Variants in SGCZ observed in about 807,000 individuals in gnomAD.
SGCZ encodes zeta-sarcoglycan.
SGCZ carries 40 observed loss-of-function variants against 41.3 expected under a neutral mutation model. That is an observed-to-expected ratio of 0.97 (90% CI 0.75 to 1.26). SGCZ has a LOEUF of 1.26. Among genes scored for constraint, SGCZ ranks in the 50% most tolerant of loss-of-function variants. SGCZ has a pLI of 0.00. For synonymous variants in SGCZ, 206 were observed against 137.5 expected, an observed-to-expected ratio of 1.50 and a Z score of -3.49; for missense variants, 552 against 369.8, an observed-to-expected ratio of 1.49 and a Z score of -4.04.
At chr8:15,080,310 T>C (rs972346260) in intron 1 of SGCZ, among the ~76,000 whole-genome samples, 2 of 151,990 alleles carry the variant, frequency 1.3e-5, no homozygotes, top group Non-Finnish European at 1.5e-5. Context: ...CCATCCTGCC[T>C]CACCGAAGGA....
At chr8:14,600,071 T>C (rs968435820) in intron 1 of SGCZ, among the ~76,000 whole-genome samples, 7 of 152,198 alleles carry the variant, frequency 4.6e-5, no homozygotes, top group Admixed American at 3.3e-4. Context: ...CAATAATTAA[T>C]TACAAAACCT....
intron 1 of SGCZ, among the ~76,000 whole-genome samples, chr8:14,622,513 A>C (rs1463306976): frequency 1.3e-5 from 2 of 152,188 alleles, no homozygotes; most frequent in East Asian, 1.9e-4. Flanking sequence ...ATAACAAAAA[A>C]CAAGAACTAG....
intron 2 of SGCZ, among the ~76,000 whole-genome samples, chr8:14,471,208 G>C (rs892237062): frequency 6.6e-6 from 1 of 152,082 alleles, no homozygotes; most frequent in African/African-American, 2.4e-5. Flanking sequence ...ACTACTAAAT[G>C]GTTCAGAATA....
chr8:14,419,681 A>G lies in SGCZ; in HGVS notation c.235-95477T>C, dbSNP rs562219728. Among the ~76,000 whole-genome samples, 6 of 152,114 alleles carry G rather than the reference A, an allele frequency of 3.9e-5. No homozygotes were observed. The South Asian group carries it at 1.0e-3, about 26-fold the overall frequency. Reference sequence around the variant, plus strand: ...AACAAACTCCCAATCATTCATTTCTATATTACCCCAACTTACAGCCTGCTT... The same window carrying G: ...AACAAACTCCCAATCATTCATTTCTGTATTACCCCAACTTACAGCCTGCTT... On this transcript the variant is annotated intron_variant, in intron 2 of 7. Transcript: ENST00000382080.
intron 2 of SGCZ, among the ~76,000 whole-genome samples, chr8:14,458,640 C>T (rs1800815525): frequency 6.6e-6 from 1 of 152,062 alleles, no homozygotes. Flanking sequence ...TGTGTAGCAA[C>T]ATGTGGACTA....
chr8:14,440,998 T>C (rs1436216342), intron 2 of SGCZ, among the ~76,000 whole-genome samples: 2 of 152,006 alleles, frequency 1.3e-5, no homozygotes, highest in Non-Finnish European at 2.9e-5. Context: ...TTGTGTGTGA[T>C]TGCGTTGACT....
intron 1 of SGCZ, among the ~76,000 whole-genome samples, chr8:15,080,465 C>T (rs1052022020): frequency 3.3e-5 from 5 of 152,090 alleles, no homozygotes; most frequent in South Asian, 2.1e-4. Flanking sequence ...GCACCCCCAA[C>T]GCCAGCCTAA....
At chr8:14,125,784 C>T (rs1048763002) in intron 5 of SGCZ, among the ~76,000 whole-genome samples, 1 of 152,070 alleles carries the variant, frequency 6.6e-6, no homozygotes, top group African/African-American at 2.4e-5. Flanking sequence ...ACATATAGAC[C>T]AATGGAACAC....
At chr8:15,173,433 G>C in intron 1 of SGCZ, among the ~76,000 whole-genome samples, 2 of 152,184 alleles carry the variant, frequency 1.3e-5, no homozygotes, top group Middle Eastern at 6.8e-3. Flanking sequence ...TTTCTATAAA[G>C]CCTATAACAT....
intron 1 of SGCZ, among the ~76,000 whole-genome samples, chr8:14,615,982 T>C (rs758332907): frequency 2.0e-5 from 3 of 152,028 alleles, no homozygotes; most frequent in Non-Finnish European, 2.9e-5. Flanking sequence ...TGGGTCATGA[T>C]TGTAGTATGG....
At chr8:15,107,350 G>T (rs942783883) in intron 1 of SGCZ, among the ~76,000 whole-genome samples, 1 of 152,122 alleles carries the variant, frequency 6.6e-6, no homozygotes, top group South Asian at 2.1e-4. Flanking sequence ...GGGAAGTAGG[G>T]CCTAGTAGGA....
chr8:14,895,696 C>A (rs1441177981), intron 1 of SGCZ, among the ~76,000 whole-genome samples: 1 of 152,098 alleles, frequency 6.6e-6, no homozygotes, highest in Non-Finnish European at 1.5e-5. Context: ...TTACTGTGTG[C>A]CAGGAACTTT....
intron 4 of SGCZ, among the ~76,000 whole-genome samples, chr8:14,166,155 A>G (rs1301064645): frequency 6.6e-6 from 1 of 152,180 alleles, no homozygotes; most frequent in Non-Finnish European, 1.5e-5. Context: ...ATTAAAACTA[A>G]TGTTAAACTT....
At chr8:14,648,154 C>G (rs1175577103) in intron 1 of SGCZ, among the ~76,000 whole-genome samples, 1 of 151,978 alleles carries the variant, frequency 6.6e-6, no homozygotes, top group Non-Finnish European at 1.5e-5. Flanking sequence ...GATGCTAAGG[C>G]TAACAATTTC....
chr8:14,094,728 T>A (rs1236914577), intron 7 of SGCZ, among the ~76,000 whole-genome samples: 2 of 152,172 alleles, frequency 1.3e-5, no homozygotes, highest in Non-Finnish European at 2.9e-5. Flanking sequence ...TCCACAATGG[T>A]TGAACTAATT....
chr8:15,067,739 A>G (rs933678741), intron 1 of SGCZ, among the ~76,000 whole-genome samples: 1 of 152,150 alleles, frequency 6.6e-6, no homozygotes, highest in African/African-American at 2.4e-5. Flanking sequence ...ATAAATATCT[A>G]TTAGCTGCCT....
In SGCZ at chr8:14,261,043, C is replaced by T. The variant is rs542406113; in HGVS notation, c.337-23364G>A. Among the ~76,000 whole-genome samples the T allele has an allele frequency of 1.1e-4, 17 of 152,018 alleles. No individual in the cohort carries two copies. The South Asian group carries it at 2.5e-3, about 22-fold the overall frequency. ...AGTGCACCAGCATGGCACATGTATA[C>T]GTATGTAACTAACCTGCCCAATGTG... On this transcript the variant is annotated intron_variant, in intron 3 of 7. Transcript: ENST00000382080.
At chr8:14,620,938 G>A (rs1372288105) in intron 1 of SGCZ, among the ~76,000 whole-genome samples, 1 of 151,982 alleles carries the variant, frequency 6.6e-6, no homozygotes, top group African/African-American at 2.4e-5. Flanking sequence ...CCCATTACTG[G>A]GTATATACCC....
chr8:15,071,001 A>G (rs1805331478), intron 1 of SGCZ, among the ~76,000 whole-genome samples: 1 of 152,182 alleles, frequency 6.6e-6, no homozygotes, highest in Non-Finnish European at 1.5e-5. Flanking sequence ...GTGCTCAATA[A>G]TGTTAGGCAA....
Sources: gnomAD v4.1 joint callset for allele counts (sites outside exome capture counted in the v4.1 genomes callset) on GRCh38, gnomAD v4.1.1 for gene constraint, MANE v1.5 for transcripts, NCBI Gene and HGNC (gene_info 2026-07-23, HGNC 2026-07-21) for gene names.